HYDIN: variants seen among roughly 807,000 people sequenced by gnomAD.
HYDIN encodes the protein axonemal central pair apparatus protein HYDIN.
HYDIN carries 132 observed loss-of-function variants against 403.9 expected under a neutral mutation model. The observed-to-expected ratio is 0.33, with a 90% CI of 0.28 to 0.38. HYDIN has a LOEUF of 0.38. HYDIN is among the 10% of genes least tolerant of loss of function. The pLI is 1.00. For synonymous variants in HYDIN, 1,202 were observed against 1,891.7 expected, an observed-to-expected ratio of 0.64 and a Z score of 9.46; for missense variants, 2,827 against 5,009.5, an observed-to-expected ratio of 0.56 and a Z score of 13.15.
Position 71,184,967 on chromosome 16 carries a change from C to A in HYDIN, c.159G>T (p.Lys53Asn). The change falls in exon 3 of 86, where the codon AAG (lysine) becomes AAT (asparagine). Residue 53 changes from lysine (K) to asparagine (N), a missense_variant. Physicochemically the swap from Lys to Asn is moderately conservative, Grantham distance 94. Transcript: ENST00000393567. The stretch of plus-strand genomic sequence containing the variant: ...TCTGCTCGGTGGTCAGGGACATTTC[C>A]TTCAGGAACTCTGAGGGTGTAAGCT... Reference protein sequence around the residue: ...NRMLTPSEFLKEMSLTTEQRL... With the variant: ...NRMLTPSEFLNEMSLTTEQRL... The A allele has an allele frequency of 6.2e-7, 1 of 1,608,878 alleles. No individual in the cohort carries two copies. The highest frequency in any genetic ancestry group is 1.7e-5 in the Admixed American group (1 of 59,722).
intron 13 of HYDIN, among the ~76,000 whole-genome samples, chr16:71,074,786 A>G (rs1221918345): frequency 1.3e-5 from 2 of 151,626 alleles, no homozygotes; most frequent in African/African-American, 4.9e-5. Flanking sequence ...CTTCTTTGTG[A>G]AAAGTCTATT....
rs548416673 is a variant in HYDIN, at chr16:71,225,110, C to T, written c.-24+5452G>A. Among the ~76,000 whole-genome samples the T allele has an allele frequency of 1.4e-4, 21 of 152,278 alleles. No individual in the cohort carries two copies. The South Asian group carries it at 4.4e-3, about 32-fold the overall frequency. On this transcript the variant is annotated intron_variant, in intron 1 of 85. Transcript: ENST00000393567. ...CCTAAAAAGCGAGGGCCAGATTCCC[C>T]TATGGGTGATTTTCTGAGAAGTGGA...
chr16:71,057,665 C>T (rs2081944764), intron 18 of HYDIN, among the ~76,000 whole-genome samples: 1 of 144,680 alleles, frequency 6.9e-6, no homozygotes, highest in African/African-American at 2.6e-5. Flanking sequence ...GAAATTCCTA[C>T]AAAATGGGAG....
intron 13 of HYDIN, among the ~76,000 whole-genome samples, chr16:71,070,891 C>T (rs957221783): frequency 8.3e-5 from 12 of 145,326 alleles, no homozygotes; most frequent in Non-Finnish European, 9.1e-5. Flanking sequence ...TTGGAGGAAA[C>T]ACATTCATGT....
At chr16:71,035,908 G>A (rs575687928) in intron 18 of HYDIN, among the ~76,000 whole-genome samples, 20 of 152,002 alleles carry the variant, frequency 1.3e-4, no homozygotes, top group African/African-American at 4.8e-4. Context: ...TATGCACCAT[G>A]CCTGGAAGTG....
intron 11 of HYDIN, among the ~76,000 whole-genome samples, chr16:71,092,409 G>C (rs2083137245): frequency 6.6e-6 from 1 of 152,136 alleles, no homozygotes; most frequent in African/African-American, 2.4e-5. Flanking sequence ...AGGTGTAAAA[G>C]AAACTTCTAG....
At chr16:71,191,268 C>T (rs540044678) in intron 1 of HYDIN, among the ~76,000 whole-genome samples, 63 of 151,972 alleles carry the variant, frequency 4.1e-4, no homozygotes, top group African/African-American at 1.2e-3. Flanking sequence ...TTAAAATCAT[C>T]GTTTGTTTTG....
At chr16:70,886,615 A>T (rs1398129810) in intron 58 of HYDIN, among the ~76,000 whole-genome samples, 1 of 152,130 alleles carries the variant, frequency 6.6e-6, no homozygotes, top group East Asian at 1.9e-4. Flanking sequence ...ACTGGTGACA[A>T]ATTCTTTTAG....
intron 18 of HYDIN, among the ~76,000 whole-genome samples, chr16:71,045,095 C>T (rs1055774070): frequency 1.6e-4 from 25 of 152,184 alleles, no homozygotes; most frequent in Non-Finnish European, 4.4e-5. Context: ...ATCTCCCTAG[C>T]CTGACTTGAC....
At chr16:70,844,934 T>C (rs1724858678) in intron 75 of HYDIN, among the ~76,000 whole-genome samples, 1 of 144,194 alleles carries the variant, frequency 6.9e-6, no homozygotes, top group Non-Finnish European at 1.5e-5. Context: ...CTTAAGGAGA[T>C]TTTGGGCTGA....
chr16:71,074,731 AAAG>A (rs1469947171), intron 13 of HYDIN, among the ~76,000 whole-genome samples: 1 of 150,500 alleles, frequency 6.6e-6, no homozygotes, highest in Non-Finnish European at 1.5e-5. Context: ...AAAAAAAAGA[AAAG>A]AAAGTTTCAA....
intron 84 of HYDIN, among the ~76,000 whole-genome samples, chr16:70,811,674 A>G (rs1044545090): frequency 1.3e-5 from 2 of 151,184 alleles, no homozygotes; most frequent in African/African-American, 4.9e-5. Flanking sequence ...CCTGACCAAC[A>G]TGGAGAAACC....
intron 4 of HYDIN, among the ~76,000 whole-genome samples, chr16:71,177,030 G>C (rs954737404): frequency 1.3e-5 from 2 of 152,190 alleles, no homozygotes; most frequent in African/African-American, 4.8e-5. Context: ...GTCACCAGAG[G>C]ACAAGCCTGC....
intron 23 of HYDIN, among the ~76,000 whole-genome samples, chr16:71,005,917 GATTA>G (rs1295768426): frequency 3.6e-5 from 5 of 139,120 alleles, no homozygotes; most frequent in Non-Finnish European, 7.7e-5. Context: ...TAGCAAACCT[GATTA>G]ATTTATATAT....
intron 15 of HYDIN, among the ~76,000 whole-genome samples, chr16:71,066,140 T>G (rs2144289884): frequency 6.6e-6 from 1 of 152,052 alleles, no homozygotes; most frequent in Admixed American, 6.5e-5. Flanking sequence ...TAGAATTTCC[T>G]ATCGATAGCT....
intron 28 of HYDIN, 199 bp downstream of exon 28, chr16:70,984,986 T>C (rs1243791541): frequency 1.9e-6 from 1 of 513,682 alleles, no homozygotes; most frequent in Non-Finnish European, 3.5e-6. Flanking sequence ...GCCTGGAAAC[T>C]GGTTACTGTG....
intron 18 of HYDIN, among the ~76,000 whole-genome samples, chr16:71,041,805 A>G (rs949579965): frequency 8.6e-5 from 13 of 151,600 alleles, no homozygotes; most frequent in South Asian, 8.3e-4. Flanking sequence ...GGAGACACAC[A>G]TATATATTTA....
At chr16:70,909,781 C>T (rs1173359413) in intron 47 of HYDIN, among the ~76,000 whole-genome samples, 9 of 150,578 alleles carry the variant, frequency 6.0e-5, no homozygotes, top group Non-Finnish European at 1.5e-5. Flanking sequence ...CTGCAAGCTC[C>T]GCCTCCTGGG....
intron 20 of HYDIN, among the ~76,000 whole-genome samples, chr16:71,026,468 G>A (rs920186183): frequency 3.3e-5 from 5 of 152,004 alleles, no homozygotes; most frequent in African/African-American, 1.2e-4. Context: ...CAGAATTAAT[G>A]CCTTCAAAAA....
Sources: allele counts gnomAD v4.1 joint callset (sites outside exome capture counted in the v4.1 genomes callset), GRCh38; gene constraint gnomAD v4.1.1; transcripts MANE v1.5; gene names NCBI Gene and HGNC (gene_info 2026-07-23, HGNC 2026-07-21).